Variants in CD9 observed in about 807,000 individuals in gnomAD.
The protein encoded by CD9 is CD9 antigen.
Under a neutral mutation model 31.4 loss-of-function variants are expected in CD9, and 10 were observed. The observed-to-expected ratio is 0.32, with a 90% confidence interval of 0.20 to 0.54. The LOEUF (loss-of-function observed/expected upper bound fraction) is 0.54, where lower values mean the gene tolerates loss of function less well. Ranked by LOEUF, CD9 falls within the 20% of genes least tolerant of loss-of-function variation. The probability of loss-of-function intolerance (pLI) is 0.94; values close to 1 mark genes in which losing one functional copy is unlikely to be tolerated. For synonymous variants in CD9, 113 were observed against 114.1 expected (o/e 0.99, Z 0.06); for missense variants, 259 against 300.1 (o/e 0.86, Z 1.01).
rs768257419 is a variant in CD9 at position 6,235,505 on chromosome 12, G to T, written c.477G>T (p.Val159=). 38 of 1,614,016 alleles carry T rather than the reference G, an allele frequency of 2.4e-5. No homozygotes were observed. In the South Asian group the frequency reaches 4.0e-4, roughly 17 times the overall value. The change falls in exon 6 of 8, where the codon GTG becomes GTT. Residue 159 remains valine, a synonymous_variant. Transcript: ENST00000009180. The part of the protein sequence containing the change: ...ALNCCGLAGG[V]EQFISDICPK... ...ACTGCTGTGGTTTGGCTGGGGGCGT[G>T]GAACAGTTTATCTCAGACATCTGCC...
At chr12:6,227,753 G>A (rs1946388612) in intron 2 of CD9, among the ~76,000 whole-genome samples, 1 of 152,200 alleles carries the variant, frequency 6.6e-6, no homozygotes, top group South Asian at 2.1e-4. Context: ...GTCTCCCTCT[G>A]TAGGAATGGA....
At chr12:6,236,917 G>A (rs1591983294) in intron 7 of CD9, among the ~76,000 whole-genome samples, 1 of 148,676 alleles carries the variant, frequency 6.7e-6, no homozygotes, top group South Asian at 2.1e-4. Context: ...ACCCTTCACC[G>A]GCATCTTAAG....
intron 2 of CD9, among the ~76,000 whole-genome samples, chr12:6,228,464 A>G (rs1042652390): frequency 1.3e-5 from 2 of 150,314 alleles, no homozygotes; most frequent in East Asian, 4.0e-4. Context: ...AGGCACAAGA[A>G]TCTCTTGAAC....
At chr12:6,200,867 G>T in intron 1 of CD9, 1 of 319,222 alleles carries the variant, frequency 3.1e-6, no homozygotes. Context: ...CCTAGGATTT[G>T]AGCTGGGGTG....
At chr12:6,224,568 C>T (rs1565425133) in intron 1 of CD9, among the ~76,000 whole-genome samples, 2 of 152,186 alleles carry the variant, frequency 1.3e-5, no homozygotes, top group South Asian at 2.1e-4. Context: ...CCCTGATGAG[C>T]GGGCTCTGAC....
intron 1 of CD9, among the ~76,000 whole-genome samples, chr12:6,223,592 G>A (rs1193567825): frequency 7.5e-6 from 1 of 133,230 alleles, no homozygotes; most frequent in African/African-American, 4.1e-5. Flanking sequence ...CAGGGACCTG[G>A]GGGGGGACCC....
intron 2 of CD9, among the ~76,000 whole-genome samples, chr12:6,227,334 G>A (rs540448944): frequency 1.3e-5 from 2 of 152,058 alleles, no homozygotes; most frequent in African/African-American, 2.4e-5. Flanking sequence ...GAGTAGCTGG[G>A]ATTACAGGCA....
At chr12:6,235,178 A>T (rs772297274) in intron 4 of CD9, 51 bp from the exon 5 acceptor site, 3 of 1,264,706 alleles carry the variant, frequency 2.4e-6, no homozygotes, top group Non-Finnish European at 2.3e-6. Flanking sequence ...TTGTTCGTGG[A>T]GGAAGATGTG....
At position 6,232,892 on chromosome 12, in the gene CD9, G is replaced by A. The variant is rs981832876; in HGVS notation, c.273+163G>A. The A allele has an allele frequency of 3.3e-5, 23 of 704,336 alleles. No individual in the cohort carries two copies. Among genetic ancestry groups the A allele is most frequent in the African/African-American group, 1.7e-4 (10 of 57,230 alleles). 43.6% of individuals were successfully genotyped at this position (704,336 alleles called of 1,614,324 possible). ...CCTGGGCCCCTCCCCGATGTGAGGC[G>A]TCGCCCCTCTTCCTTTCTGGAGCCT... On this transcript the variant is annotated intron_variant, in intron 3 of 7. Transcript: ENST00000009180. The surrounding 1 kb of genome is among the most constrained non-coding windows in gnomAD (Gnocchi z 4.8).
intron 2 of CD9, chr12:6,226,312 G>C (rs117855104): frequency 2.0e-5 from 3 of 152,164 alleles, no homozygotes; most frequent in Non-Finnish European, 2.9e-5. Flanking sequence ...GCAGTTGCCC[G>C]CGTCTGCGTG....
rs1261087387 is a variant in CD9 at position 6,233,476 on chromosome 12, A to G, written c.338A>G (p.His113Arg). Residue 113 changes from histidine (H) to arginine (R), a missense_variant, in exon 4 of 8, where the codon CAC (histidine) becomes CGC (arginine). Transcript: ENST00000009180. ...EIAAAIWGYS[H>R]KDEVIKEVQE... ...GCTGCGGCCATCTGGGGATATTCCC[A>G]CAAGGATGAGGTAGGTTTTTCCCAT... 1 of 1,613,144 alleles carries G rather than the reference A, an allele frequency of 6.2e-7. No individual in the cohort carries two copies. Among genetic ancestry groups the G allele is most frequent in the African/African-American group, 1.3e-5 (1 of 74,884 alleles).
At chr12:6,223,996 C>G (rs547175823) in intron 1 of CD9, among the ~76,000 whole-genome samples, 6 of 152,136 alleles carry the variant, frequency 3.9e-5, no homozygotes, top group Non-Finnish European at 7.3e-5. Flanking sequence ...CTTGTCCAGC[C>G]GCGGGGCATG....
At chr12:6,225,972 C>T (rs1303755284) in intron 2 of CD9, among the ~76,000 whole-genome samples, 1 of 152,176 alleles carries the variant, frequency 6.6e-6, no homozygotes, top group Non-Finnish European at 1.5e-5. Context: ...GATAGGGACT[C>T]TGAGACTGGG....
At chr12:6,226,336 C>CG (rs1300286771) in intron 2 of CD9, 1 of 152,154 alleles carries the variant, frequency 6.6e-6, no homozygotes, top group Non-Finnish European at 1.5e-5. Context: ...TCAGACTCTG[C>CG]GGCTGTACTC....
At chr12:6,211,998 G>T (rs1033890006) in intron 1 of CD9, among the ~76,000 whole-genome samples, 10 of 152,310 alleles carry the variant, frequency 6.6e-5, no homozygotes, top group Admixed American at 2.6e-4. Flanking sequence ...AAGGAGGGAA[G>T]ATTTCTCAAC....
chr12:6,232,770 C>A lies in CD9; in HGVS notation c.273+41C>A. 7.3e-7 allele frequency: 1 copy of A among 1,362,718 alleles called. No homozygotes were observed. The highest frequency in any genetic ancestry group is 1.0e-6 in the Non-Finnish European group (1 of 988,750). 84.4% of individuals were successfully genotyped at this position (1,362,718 alleles called of 1,614,324 possible). ...GCATCCCCACAGCCACCCTGACTCC[C>A]ACCAACAAAAACCTCAGCAGGCCCA... On this transcript the variant is annotated intron_variant, in intron 3 of 7. Coordinates refer to ENST00000009180, the MANE Select transcript of CD9 (RefSeq NM_001769.4). This position sits in a 1 kb window ranked among gnomAD's most constrained non-coding sequence, Gnocchi z 4.8.
intron 2 of CD9, among the ~76,000 whole-genome samples, chr12:6,227,205 A>ATTT (rs375025117): frequency 3.4e-5 from 5 of 148,584 alleles, no homozygotes; most frequent in African/African-American, 1.2e-4. Context: ...TATTTTTTTT[A>ATTT]TTTTTTTTTT....
intron 1 of CD9, among the ~76,000 whole-genome samples, chr12:6,217,703 A>G (rs1946255924): frequency 6.6e-6 from 1 of 152,146 alleles, no homozygotes; most frequent in Non-Finnish European, 1.5e-5. Context: ...CCAAGTAGCC[A>G]TTGCTTTTCC....
intron 4 of CD9, among the ~76,000 whole-genome samples, chr12:6,233,789 A>G (rs1041304970): frequency 2.0e-5 from 3 of 151,688 alleles, no homozygotes; most frequent in South Asian, 2.1e-4. Flanking sequence ...GCCCTTCCCC[A>G]CAACTTTTAG....
Sources: gnomAD v4.1 joint callset for allele counts (sites outside exome capture counted in the v4.1 genomes callset) on GRCh38, gnomAD v4.1.1 for gene constraint, Gnocchi (gnomAD v3.1) non-coding constraint, MANE v1.5 for transcripts, NCBI Gene and HGNC (gene_info 2026-07-23, HGNC 2026-07-21) for gene names.